Variants in TRIP12 observed in about 807,000 individuals in gnomAD.
TRIP12 encodes the protein E3 ubiquitin-protein ligase TRIP12.
TRIP12 carries 25 observed loss-of-function variants against 244.2 expected under a neutral mutation model. The observed-to-expected ratio is 0.10, with a 90% confidence interval of 0.07 to 0.14. The LOEUF (loss-of-function observed/expected upper bound fraction) is 0.14. TRIP12 is among the 10% of genes least tolerant of loss of function. TRIP12 has a pLI of 1.00. For missense variants in TRIP12, 1,677 were observed against 2,486.4 expected, an observed-to-expected ratio of 0.67 and a Z score of 6.92; for synonymous variants, 905 against 873.1, an observed-to-expected ratio of 1.04 and a Z score of -0.64.
At chr2:229,905,425 T>C (rs576117666) in intron 1 of TRIP12, among the ~76,000 whole-genome samples, 35 of 152,162 alleles carry the variant, frequency 2.3e-4, no homozygotes, top group Non-Finnish European at 3.8e-4. Context: ...CAAAACGTTA[T>C]ACACAATAAT....
At chr2:229,833,650 G>C (rs1031608497) in intron 6 of TRIP12, among the ~76,000 whole-genome samples, 1 of 152,076 alleles carries the variant, frequency 6.6e-6, no homozygotes, top group African/African-American at 2.4e-5. Context: ...GTGAAGAAAA[G>C]GATTCTTTTG....
intron 2 of TRIP12, among the ~76,000 whole-genome samples, chr2:229,875,572 G>A (rs556877337): frequency 6.5e-4 from 99 of 152,316 alleles, no homozygotes; most frequent in Middle Eastern, 3.4e-3. Context: ...CAAGAGGTCT[G>A]GAAACAAGTC....
intron 1 of TRIP12, among the ~76,000 whole-genome samples, chr2:229,888,039 C>G (rs1463225655): frequency 6.6e-6 from 1 of 152,178 alleles, no homozygotes; most frequent in Non-Finnish European, 1.5e-5. Context: ...TTTAAACTAG[C>G]TTTACTACAA....
At chr2:229,832,011 TAA>T (rs1160755647) in intron 6 of TRIP12, among the ~76,000 whole-genome samples, 1 of 152,066 alleles carries the variant, frequency 6.6e-6, no homozygotes, top group Non-Finnish European at 1.5e-5. Context: ...TCATAATTGT[TAA>T]AGAGGCATGT....
intron 27 of TRIP12, 33 bp downstream of exon 27, chr2:229,792,940 A>T (rs201320636): frequency 1.9e-6 from 3 of 1,601,034 alleles, no homozygotes; most frequent in Admixed American, 1.7e-5. Flanking sequence ...AAATATACAT[A>T]TATAACACAC....
intron 1 of TRIP12, among the ~76,000 whole-genome samples, chr2:229,893,368 A>T (rs1168223815): frequency 6.6e-6 from 1 of 152,194 alleles, no homozygotes; most frequent in Non-Finnish European, 1.5e-5. Context: ...GTTGTGACAA[A>T]CACACACACC....
chr2:229,849,684 G>A (rs1174713608), intron 4 of TRIP12, among the ~76,000 whole-genome samples: 2 of 151,952 alleles, frequency 1.3e-5, no homozygotes, highest in Admixed American at 6.6e-5. Flanking sequence ...GCAACATAGT[G>A]AGACCTCATC....
At chr2:229,870,505 T>G (rs2062369603) in intron 2 of TRIP12, among the ~76,000 whole-genome samples, 3 of 152,222 alleles carry the variant, frequency 2.0e-5, no homozygotes, top group Non-Finnish European at 4.4e-5. Flanking sequence ...GGGATCTGTA[T>G]AAGATTTCTA....
chr2:229,797,782 G>A lies in TRIP12; in HGVS notation c.3532C>T (p.Arg1178Cys), dbSNP rs748375337. ...TCCATATTCTCAGAACTGAAATAACGTTCTACAAATTTATGTGCCTGCTCC... is the reference window on the plus strand; with the variant it reads ...TCCATATTCTCAGAACTGAAATAACATTCTACAAATTTATGTGCCTGCTCC... ...IKEQAHKFVERYFSSENMDGS... is the reference protein window; with the variant it reads ...IKEQAHKFVECYFSSENMDGS... Residue 1178 changes from arginine to cysteine, a missense_variant, in exon 24 of 42, where the codon CGT (arginine) becomes TGT (cysteine). By Grantham distance (180) the Arg-to-Cys change is radical. Transcript: ENST00000675903. 46 of 1,613,776 alleles carry A rather than the reference G, an allele frequency of 2.9e-5. No individual in the cohort carries two copies. Among genetic ancestry groups the A allele is most frequent in the Non-Finnish European group, 3.3e-5 (39 of 1,179,896 alleles).
At position 229,802,246 on chromosome 2, in the gene TRIP12, A is replaced by T. The variant is rs1331033959; in HGVS notation, c.3206+6T>A. On this transcript the variant is annotated splice_donor_region_variant and intron_variant, in intron 21 of 41. Coordinates refer to ENST00000675903, the MANE Select transcript of TRIP12 (RefSeq NM_001348323.3). ...AAATAAAAATCACAACACAATTCTT[A>T]CTTACCCTTGAGGGCTGAGATCTAA... 6.3e-7 allele frequency: 1 copy of T among 1,581,388 alleles called. No homozygotes were observed. Among genetic ancestry groups the T allele is most frequent in the African/African-American group, 1.3e-5 (1 of 74,292 alleles).
chr2:229,866,294 T>C lies in TRIP12; in HGVS notation c.99-5763A>G, dbSNP rs146733842. Among the ~76,000 whole-genome samples, 448 of 152,338 alleles carry C rather than the reference T, an allele frequency of 2.9e-3. 2 individuals carry two copies. Among genetic ancestry groups the C allele is most frequent in the African/African-American group, 0.01 (427 of 41,582 alleles). ...ACCAAGAGTCAGGCACCGTTTTTAA[T>C]GCCTATGATGAAAATGCTGCTTATG... On this transcript the variant is annotated intron_variant, in intron 2 of 41. Transcript: ENST00000675903.
intron 1 of TRIP12, among the ~76,000 whole-genome samples, chr2:229,917,222 T>G (rs1577200078): frequency 6.6e-6 from 1 of 150,794 alleles, no homozygotes; most frequent in South Asian, 2.1e-4. Context: ...CTACTAAAAA[T>G]ACAAAAAAAT....
intron 4 of TRIP12, among the ~76,000 whole-genome samples, chr2:229,849,561 T>C (rs1022557121): frequency 1.3e-5 from 2 of 151,150 alleles, no homozygotes; most frequent in Non-Finnish European, 3.0e-5. Context: ...AAGACTGCTT[T>C]AAAAAAAAAT....
rs531067721 is a variant in TRIP12, at chr2:229,902,061, C to G, written c.-50+19819G>C. ...CTGGTTCATAATGAGGATTCTTATA[C>G]TTGGAAGAAATAATTTCACTAACCT... On this transcript the variant is annotated intron_variant, in intron 1 of 41. Transcript: ENST00000675903. 7.9e-5 allele frequency among the ~76,000 whole-genome samples: 12 copies of G among 152,228 alleles called. No homozygotes were observed. In the East Asian group the frequency reaches 2.3e-3, roughly 29 times the overall value.
intron 13 of TRIP12, 109 bp downstream of exon 13, chr2:229,813,761 G>T: frequency 1.3e-6 from 1 of 794,482 alleles, no homozygotes; most frequent in Non-Finnish European, 1.6e-6. Flanking sequence ...TCTAGCCTGG[G>T]TAACAGAGCG....
intron 8 of TRIP12, among the ~76,000 whole-genome samples, chr2:229,824,390 A>C (rs2050924982): frequency 6.6e-6 from 1 of 152,212 alleles, no homozygotes; most frequent in Non-Finnish European, 1.5e-5. Context: ...GGAGTTTGCA[A>C]CACCTACAAA....
intron 11 of TRIP12, 105 bp downstream of exon 11, chr2:229,814,994 G>T: frequency 2.4e-6 from 2 of 840,714 alleles, no homozygotes; most frequent in Non-Finnish European, 3.7e-6. Flanking sequence ...ACATTTCTCG[G>T]GCTAAAAAAT....
chr2:229,898,744 T>C (rs1028312243), intron 1 of TRIP12, among the ~76,000 whole-genome samples: 2 of 152,162 alleles, frequency 1.3e-5, no homozygotes, highest in Admixed American at 6.5e-5. Context: ...AAGGCTGGAG[T>C]GCAGTAGCAC....
In TRIP12 at chr2:229,860,668, TA is replaced by T. The variant is rs995751154; in HGVS notation, c.99-138del. 2.6e-4 allele frequency: 235 copies of T among 888,102 alleles called. 1 individual carries two copies. Among genetic ancestry groups the T allele is most frequent in the Non-Finnish European group, 3.5e-4 (227 of 655,988 alleles). 55.0% of individuals were successfully genotyped at this position (888,102 alleles called of 1,614,324 possible). Reference sequence around the variant, plus strand: ...ACCCTACCCTTTTTCCAAATATTTATAAATTTTAATTATTATTCTACTAAAT... The same window carrying T: ...ACCCTACCCTTTTTCCAAATATTTATAATTTTAATTATTATTCTACTAAAT... On this transcript the variant is annotated intron_variant, in intron 2 of 41. Transcript: ENST00000675903.
Sources: gnomAD v4.1 joint callset for allele counts (sites outside exome capture counted in the v4.1 genomes callset) on GRCh38, gnomAD v4.1.1 for gene constraint, MANE v1.5 for transcripts, NCBI Gene and HGNC (gene_info 2026-07-23, HGNC 2026-07-21) for gene names.